Variants in URGCP observed in about 807,000 individuals in gnomAD.
The protein encoded by URGCP is up-regulator of cell proliferation.
Under a neutral mutation model 24.6 loss-of-function variants are expected in URGCP, and 13 were observed. The observed-to-expected ratio is 0.53, with a 90% confidence interval of 0.34 to 0.84. The LOEUF (loss-of-function observed/expected upper bound fraction) is 0.84. URGCP is among the 40% of genes least tolerant of loss of function. The pLI, the probability that URGCP is intolerant of heterozygous loss-of-function variation, is 0.01. For missense variants in URGCP, 899 were observed against 1,194.3 expected (o/e 0.75, Z 3.64); for synonymous variants, 444 against 487.2 (o/e 0.91, Z 1.17).
intron 1 of URGCP, chr7:43,889,493 G>T (rs77187780): frequency 1.1e-3 from 161 of 152,322 alleles, no homozygotes; most frequent in African/African-American, 3.5e-3. Flanking sequence ...GCCCTACTCA[G>T]GGGCAAGGGA....
intron 1 of URGCP, among the ~76,000 whole-genome samples, chr7:43,921,971 C>A (rs2095923008): frequency 6.6e-6 from 1 of 152,074 alleles, no homozygotes; most frequent in South Asian, 2.1e-4. Flanking sequence ...TGGCTCACTG[C>A]AACCTCTACC....
chr7:43,893,642 G>A lies in URGCP; in HGVS notation c.15-5826C>T, dbSNP rs369545194. Among the ~76,000 whole-genome samples the A allele has an allele frequency of 3.3e-5, 5 of 152,318 alleles. No homozygotes were observed. The East Asian group carries it at 7.7e-4, about 24-fold the overall frequency. Reference sequence around the variant, plus strand: ...TCCCAGCACTTTGGGAGGCCAAGGTGGGAGGATCACTTGAGGTCAGGAGTT... The same window carrying A: ...TCCCAGCACTTTGGGAGGCCAAGGTAGGAGGATCACTTGAGGTCAGGAGTT... On this transcript the variant is annotated intron_variant, in intron 1 of 5. Coordinates refer to ENST00000453200, the MANE Select transcript of URGCP (RefSeq NM_001077663.3).
chr7:43,878,341 G>A lies in URGCP; in HGVS notation c.1122C>T (p.Tyr374=). 1 of 1,614,226 alleles carries A rather than the reference G, an allele frequency of 6.2e-7. No individual in the cohort carries two copies. The highest frequency in any genetic ancestry group is 8.5e-7 in the Non-Finnish European group (1 of 1,180,050). ...ATTTTGTGGTTGACTCCTTCATGGA[G>A]TACAGCAATTTGTATTCCTTCTTAC... ...NISKKEYKLL[Y]SMKESTTKYY... Residue 374 remains tyrosine (Y), a synonymous_variant, in exon 6 of 6, where the codon TAC becomes TAT. Transcript: ENST00000453200. This position sits in a 1 kb window ranked among gnomAD's most constrained non-coding sequence, Gnocchi z 5.6.
chr7:43,896,511 T>C (rs1212536402), intron 1 of URGCP, among the ~76,000 whole-genome samples: 1 of 151,520 alleles, frequency 6.6e-6, no homozygotes, highest in East Asian at 1.9e-4. Flanking sequence ...TGGGATCTGG[T>C]GCTCTGTAAT....
chr7:43,883,347 T>TAC (rs1269113586), intron 3 of URGCP, among the ~76,000 whole-genome samples: 3 of 97,974 alleles, frequency 3.1e-5, no homozygotes, highest in African/African-American at 1.8e-4. Context: ...CATATATATA[T>TAC]ATATATATAT....
intron 1 of URGCP, chr7:43,920,140 T>C: frequency 1.4e-6 from 1 of 693,554 alleles, no homozygotes; most frequent in Non-Finnish European, 2.5e-6. Flanking sequence ...AGAGCACAGA[T>C]CAGGGACCTC....
At chr7:43,882,619 A>C (rs113127684) in intron 3 of URGCP, among the ~76,000 whole-genome samples, 17 of 151,848 alleles carry the variant, frequency 1.1e-4, no homozygotes, top group African/African-American at 3.9e-4. Context: ...AAAAAAAAAA[A>C]CACCAAACAA....
intron 1 of URGCP, among the ~76,000 whole-genome samples, chr7:43,897,426 CG>C (rs2095880660): frequency 6.6e-6 from 1 of 151,872 alleles, no homozygotes; most frequent in South Asian, 2.1e-4. Flanking sequence ...CAGGCATAGC[CG>C]GGGCAAAGGC....
chr7:43,913,203 G>GT (rs1021293558), intron 1 of URGCP, among the ~76,000 whole-genome samples: 86 of 151,502 alleles, frequency 5.7e-4, no homozygotes, highest in African/African-American at 1.9e-3. Context: ...TTGGTTGACA[G>GT]TTTTTTTTGT....
upstream of URGCP, among the ~76,000 whole-genome samples, chr7:43,909,797 C>G (rs974282249): frequency 6.6e-6 from 1 of 152,088 alleles, no homozygotes; most frequent in African/African-American, 2.4e-5. Flanking sequence ...AATCCCAGCA[C>G]TTTGGGAGGC....
At position 43,879,397 on chromosome 7, in the gene URGCP, G is replaced by C. The variant is rs1015743699; in HGVS notation, c.203-137C>G. The stretch of plus-strand genomic sequence containing the variant: ...AGAGAGCAGAGTGCAGGCACAGGAG[G>C]CTCAGGGTGTGCTCAAGGCTGACCT... On this transcript the variant is annotated intron_variant, in intron 5 of 5. Coordinates refer to ENST00000453200, the MANE Select transcript of URGCP (RefSeq NM_001077663.3). 2.9e-6 allele frequency: 3 copies of C among 1,045,672 alleles called. No individual in the cohort carries two copies. The African/African-American group carries it at 4.8e-5, about 17-fold the overall frequency. 64.8% of individuals were successfully genotyped at this position (1,045,672 alleles called of 1,614,324 possible).
chr7:43,906,638 C>A (rs1407280797), upstream of URGCP: 13 of 1,148,260 alleles, frequency 1.1e-5, no homozygotes, highest in South Asian at 4.1e-5. Context: ...GGCTCGGCGC[C>A]GGGGAGGGGC....
At chr7:43,883,362 ATTTT>A (rs34217938) in intron 3 of URGCP, among the ~76,000 whole-genome samples, 8 of 88,286 alleles carry the variant, frequency 9.1e-5, no homozygotes, top group Admixed American at 1.6e-4. Flanking sequence ...ATATATATAT[ATTTT>A]TTTTTTTTTT....
Position 43,876,447 on chromosome 7 carries a change from G to A in URGCP, c.*220C>T. On this transcript the variant is annotated 3_prime_UTR_variant, in exon 6 of 6. Transcript: ENST00000453200. ...ACTGCTGCTTGTCTCCCTACCCTGGGGGCTGTGATATTCTTGGTAACATCT... is the reference window on the plus strand; with the variant it reads ...ACTGCTGCTTGTCTCCCTACCCTGGAGGCTGTGATATTCTTGGTAACATCT... 3.5e-6 allele frequency: 2 copies of A among 578,946 alleles called. No individual in the cohort carries two copies. The highest frequency in any genetic ancestry group is 6.1e-6 in the Non-Finnish European group (2 of 328,250). The allele number at this position is 578,946 out of a possible 1,614,324, so 35.9% of individuals were successfully genotyped here. A position where few individuals can be genotyped will look rare whatever the true frequency, so the allele number is the denominator to read the frequency against.
At chr7:43,888,074 A>C (rs74663475) in intron 1 of URGCP, 5,660 of 449,236 alleles carry the variant, frequency 0.013, 301 homozygotes, top group African/African-American at 0.1. Flanking sequence ...CAATTTAATA[A>C]AATTGTGTAT....
At chr7:43,924,448 CATT>C (rs2095926140) in intron 1 of URGCP, among the ~76,000 whole-genome samples, 1 of 152,156 alleles carries the variant, frequency 6.6e-6, no homozygotes, top group Non-Finnish European at 1.5e-5. Flanking sequence ...CCACCATATA[CATT>C]ATTAGCACAT....
Position 43,879,247 on chromosome 7 carries a change from C to A in URGCP, c.216G>T (p.Arg72Ser), listed in dbSNP as rs1382116897. 1.9e-6 allele frequency: 3 copies of A among 1,609,726 alleles called. No individual in the cohort carries two copies. The highest frequency in any genetic ancestry group is 3.4e-5 in the Admixed American group (2 of 59,624). Residue 72 changes from arginine (R) to serine (S), a missense_variant, in exon 6 of 6, where the codon AGG (arginine) becomes AGT (serine). Coordinates refer to ENST00000453200, the MANE Select transcript of URGCP (RefSeq NM_001077663.3). Reference sequence around the variant, plus strand: ...CCAAAAGTGACAGCATTTCTTGAAGCCTGCTTCTCTCCACTGTGGAAAGAA... The same window carrying A: ...CCAAAAGTGACAGCATTTCTTGAAGACTGCTTCTCTCCACTGTGGAAAGAA... ...DNDFPTVERS[R>S]LQEMLSLLGL... is the part of the protein sequence containing the mutation.
At position 43,919,235 on chromosome 7, in the gene URGCP, C is replaced by T. The variant is rs112889376; in HGVS notation, c.-116+6897G>A. The T allele has an allele frequency of 2.2e-4, 183 of 841,632 alleles. 2 individuals are homozygous for T. In the East Asian group the frequency reaches 2.8e-3, roughly 13 times the overall value. The allele number at this position is 841,632 out of a possible 1,614,324, so 52.1% of individuals were successfully genotyped here. A position where few individuals can be genotyped will look rare whatever the true frequency, so the allele number is the denominator to read the frequency against. On this transcript the variant is annotated intron_variant, in intron 1 of 5. Coordinates refer to the URGCP transcript ENST00000426198. ...TTCCCAACCAGGACAAGATGAGCAA[C>T]GTGGTGGTCCAGCTTTATAATTCAC...
intron 3 of URGCP, among the ~76,000 whole-genome samples, chr7:43,885,548 TAG>T (rs2095860891): frequency 6.6e-6 from 1 of 152,176 alleles, no homozygotes; most frequent in Non-Finnish European, 1.5e-5. Context: ...GTTTATTCAG[TAG>T]AGAGAGACAC....
Sources: allele counts gnomAD v4.1 joint callset (sites outside exome capture counted in the v4.1 genomes callset), GRCh38; gene constraint gnomAD v4.1.1; non-coding constraint Gnocchi (gnomAD v3.1); transcripts MANE v1.5; gene names NCBI Gene and HGNC (gene_info 2026-07-23, HGNC 2026-07-21).